RSPH14: variants seen among roughly 807,000 people sequenced by gnomAD.
RSPH14 encodes the protein rhabdoid tumor deletion region gene 1.
In RSPH14, 20 loss-of-function variants were observed where a neutral mutation model predicts 26.7. That is an observed-to-expected ratio of 0.75 (90% CI 0.53 to 1.09). The LOEUF (loss-of-function observed/expected upper bound fraction) is 1.09, where lower values mean the gene tolerates loss of function less well. RSPH14 is among the 50% of genes least tolerant of loss of function. The pLI, the probability that RSPH14 is intolerant of heterozygous loss-of-function variation, is 0.00. For missense variants in RSPH14, 449 were observed against 457.2 expected, an observed-to-expected ratio of 0.98 and a Z score of 0.16; for synonymous variants, 177 against 189.3, an observed-to-expected ratio of 0.93 and a Z score of 0.53.
chr22:23,079,914 T>C (rs904672905), intron 4 of RSPH14, among the ~76,000 whole-genome samples: 10 of 152,100 alleles, frequency 6.6e-5, no homozygotes, highest in African/African-American at 2.4e-4. Flanking sequence ...GATGGGATTG[T>C]GGGATGCCAC....
At chr22:23,087,980 A>G (rs1176350423) in intron 4 of RSPH14, among the ~76,000 whole-genome samples, 1 of 152,212 alleles carries the variant, frequency 6.6e-6, no homozygotes, top group Non-Finnish European at 1.5e-5. Flanking sequence ...CCCAGGCAAG[A>G]AGGAGGTCTG....
intron 4 of RSPH14, among the ~76,000 whole-genome samples, chr22:23,090,873 T>G (rs1448553135): frequency 1.3e-5 from 2 of 152,210 alleles, no homozygotes; most frequent in African/African-American, 2.4e-5. Flanking sequence ...AAATAGGGAA[T>G]AGATCTTCAT....
the RSPH14 span, chr22:23,159,078 A>G: frequency 5.1e-6 from 8 of 1,584,084 alleles, no homozygotes; most frequent in Non-Finnish European, 6.9e-6. Context: ...GAGGCAGCAC[A>G]GTGGGAAGCA....
chr22:23,078,321 A>G (rs1323979292), intron 4 of RSPH14, among the ~76,000 whole-genome samples: 1 of 152,232 alleles, frequency 6.6e-6, no homozygotes, highest in Non-Finnish European at 1.5e-5. Flanking sequence ...ACACTGGGCC[A>G]GTGCCAGGCA....
chr22:23,162,143 C>T, the RSPH14 span: 4,675 of 166,854 alleles, frequency 0.028, 250 homozygotes, highest in African/African-American at 0.11. Flanking sequence ...CACGGATGCT[C>T]AAGGTTCCTG....
rs756979967 is a variant in RSPH14 at position 23,064,052 on chromosome 22, T to C, written c.503A>G (p.Gln168Arg). Residue 168 changes from glutamine (Q) to arginine (R), a missense_variant, in exon 5 of 7, where the codon CAG becomes CGG. Coordinates refer to ENST00000216036, the MANE Select transcript of RSPH14 (RefSeq NM_014433.3). Reference protein sequence around the residue: ...LQVEVEEEEFQEFILDTLVLC... With the variant: ...LQVEVEEEEFREFILDTLVLC... ...GACCAGTGTGTCCAGGATGAACTCC[T>C]GGAACTCCTCCTCCTCCACCTCCAC... 1 of 1,614,158 alleles carries C rather than the reference T, an allele frequency of 6.2e-7. No individual in the cohort carries two copies. Among genetic ancestry groups the C allele is most frequent in the Non-Finnish European group, 8.5e-7 (1 of 1,179,988 alleles).
chr22:23,174,832 G>A, the RSPH14 span, among the ~76,000 whole-genome samples: 1 of 152,086 alleles, frequency 6.6e-6, no homozygotes, highest in Admixed American at 6.5e-5. Flanking sequence ...GCCAGGAATG[G>A]TGGTGCATGC....
chr22:23,150,293 CTTTTTTTTTTCT>C, the RSPH14 span: 3 of 496,598 alleles, frequency 6.0e-6, no homozygotes, highest in African/African-American at 2.1e-5. Context: ...CTGGGGTTTT[CTTTTTTTTTTCT>C]TTTTTTTTTT....
chr22:23,124,478 C>T, intron 4 of RSPH14: 1 of 413,386 alleles, frequency 2.4e-6, no homozygotes, highest in Non-Finnish European at 5.1e-6. Context: ...GCAGTGTCCT[C>T]TTGTTAATGG....
chr22:23,157,889 G>GCAA, the RSPH14 span: 1 of 1,581,378 alleles, frequency 6.3e-7, no homozygotes, highest in Middle Eastern at 1.7e-4. Flanking sequence ...GCCTGGTTGG[G>GCAA]GGGCTGCCCT....
At chr22:23,082,448 T>G (rs2068711127) in intron 4 of RSPH14, among the ~76,000 whole-genome samples, 1 of 151,194 alleles carries the variant, frequency 6.6e-6, no homozygotes, top group Non-Finnish European at 1.5e-5. Flanking sequence ...GGTCTTGAAC[T>G]GACTTCGTGA....
At chr22:23,144,474 T>C (rs1156574351), upstream of RSPH14, among the ~76,000 whole-genome samples, 2 of 152,212 alleles carry the variant, frequency 1.3e-5, no homozygotes, top group African/African-American at 4.8e-5. Flanking sequence ...TATTTTATAG[T>C]TGAGTAAACT....
chr22:23,122,913 T>C (rs2070072882), intron 4 of RSPH14, among the ~76,000 whole-genome samples: 1 of 152,096 alleles, frequency 6.6e-6, no homozygotes, highest in Admixed American at 6.5e-5. Context: ...GCTATTTCCG[T>C]GGGAGGTGGG....
At chr22:23,178,319 G>A in the RSPH14 span, among the ~76,000 whole-genome samples, 1 of 152,106 alleles carries the variant, frequency 6.6e-6, no homozygotes, top group African/African-American at 2.4e-5. Context: ...GGGAGGCTGA[G>A]GCAGCAGAAT....
intron 4 of RSPH14, among the ~76,000 whole-genome samples, chr22:23,106,111 C>G (rs956646012): frequency 1.3e-5 from 2 of 152,178 alleles, no homozygotes; most frequent in African/African-American, 4.8e-5. Flanking sequence ...ACGTGACTCC[C>G]GCCACATATC....
chr22:23,098,832 C>T (rs999275219), intron 4 of RSPH14, among the ~76,000 whole-genome samples: 3 of 152,358 alleles, frequency 2.0e-5, no homozygotes, highest in East Asian at 1.9e-4. Context: ...CAGAGTGGTG[C>T]CGGCAGTGAG....
chr22:23,098,585 C>G (rs1169655514), intron 4 of RSPH14, among the ~76,000 whole-genome samples: 1 of 152,220 alleles, frequency 6.6e-6, no homozygotes, highest in African/African-American at 2.4e-5. Context: ...GCTGGCACAC[C>G]CACCACCATC....
chr22:23,165,796 G>A, the RSPH14 span, among the ~76,000 whole-genome samples: 1 of 152,100 alleles, frequency 6.6e-6, no homozygotes, highest in Non-Finnish European at 1.5e-5. Flanking sequence ...TGCTTGGCAG[G>A]GCCTTGCCAC....
At chr22:23,132,400 C>T (rs998893668) in intron 4 of RSPH14, among the ~76,000 whole-genome samples, 3 of 152,300 alleles carry the variant, frequency 2.0e-5, no homozygotes, top group Middle Eastern at 3.4e-3. Flanking sequence ...GCCGTGGTAT[C>T]GGGTAGCTGT....
Sources: gnomAD v4.1 joint callset for allele counts (sites outside exome capture counted in the v4.1 genomes callset) on GRCh38, gnomAD v4.1.1 for gene constraint, MANE v1.5 for transcripts, NCBI Gene and HGNC (gene_info 2026-07-23, HGNC 2026-07-21) for gene names.